The following MARCHF1 variants were observed in gnomAD, a reference collection of about 807,000 sequenced individuals.
MARCHF1 encodes the protein membrane associated ring-CH-type finger 1, also known as E3 ubiquitin-protein ligase MARCHF1.
In MARCHF1, 40 loss-of-function variants were observed where a neutral mutation model predicts 54.2. That is an observed-to-expected ratio of 0.74 (90% CI 0.57 to 0.96). MARCHF1 has a LOEUF of 0.96. Ranked by LOEUF, MARCHF1 falls within the 40% of genes least tolerant of loss-of-function variation. MARCHF1 has a pLI of 0.00. For missense variants in MARCHF1, 586 were observed against 656.5 expected (o/e 0.89, Z 1.17); for synonymous variants, 236 against 236.3 (o/e 1.00, Z 0.01).
chr4:163,531,652 T>A (rs1358175945), intron 9 of MARCHF1, among the ~76,000 whole-genome samples: 1 of 151,866 alleles, frequency 6.6e-6, no homozygotes, highest in African/African-American at 2.4e-5. Context: ...AAACTATCTT[T>A]GTTCACAAAT....
intron 2 of MARCHF1, among the ~76,000 whole-genome samples, chr4:164,111,225 AG>A (rs954826162): frequency 1.4e-4 from 21 of 151,874 alleles, no homozygotes; most frequent in African/African-American, 4.6e-4. Flanking sequence ...CAGTTTCCAC[AG>A]GTAAAATCAA....
In MARCHF1 at chr4:163,575,741, C is replaced by G. The variant is rs186511086; in HGVS notation, c.1191+10008G>C. Among the ~76,000 whole-genome samples, 379 of 151,580 alleles carry G rather than the reference C, an allele frequency of 2.5e-3. 3 individuals carry two copies. The highest frequency in any genetic ancestry group is 8.8e-3 in the African/African-American group (362 of 41,362). ...TTTCAGAACTTGATATTGATCTGTT[C>G]AGGGTTTCCATTTCTTTCTGATTCA... On this transcript the variant is annotated intron_variant, in intron 8 of 9. Transcript: ENST00000514618.
At position 163,867,498 on chromosome 4, in the gene MARCHF1, T is replaced by C. The variant is rs144169436; in HGVS notation, c.-38-13329A>G. Among the ~76,000 whole-genome samples the C allele has an allele frequency of 2.8e-3, 422 of 151,722 alleles. 1 individual carries two copies. The highest frequency in any genetic ancestry group is 9.0e-3 in the African/African-American group (372 of 41,502). Reference sequence around the variant, plus strand: ...ACTTATTTTAATAATAAACTTATTATATATAATCTAATTAGAATTAATTCA... The same window carrying C: ...ACTTATTTTAATAATAAACTTATTACATATAATCTAATTAGAATTAATTCA... On this transcript the variant is annotated intron_variant, in intron 3 of 9. Transcript: ENST00000514618.
intron 2 of MARCHF1, among the ~76,000 whole-genome samples, chr4:163,999,023 CA>C (rs1184061690): frequency 6.6e-6 from 1 of 151,456 alleles, no homozygotes; most frequent in Non-Finnish European, 1.5e-5. Flanking sequence ...AAGGACCATC[CA>C]TTCTGTTTTT....
intron 2 of MARCHF1, among the ~76,000 whole-genome samples, chr4:164,106,633 G>C (rs1166776058): frequency 6.8e-6 from 1 of 147,924 alleles, no homozygotes; most frequent in African/African-American, 2.5e-5. Flanking sequence ...GGGGGAGGGG[G>C]GAGGGATAAC....
At chr4:164,091,410 T>TTATATATATATATATATATATA (rs1553980469) in intron 2 of MARCHF1, among the ~76,000 whole-genome samples, 44 of 136,920 alleles carry the variant, frequency 3.2e-4, no homozygotes, top group East Asian at 8.3e-4. Context: ...TCACCAAGTT[T>TTATATATATATATATATATATA]TATATATATA....
intron 1 of MARCHF1, among the ~76,000 whole-genome samples, chr4:164,153,859 T>C (rs1730008133): frequency 6.6e-6 from 1 of 152,194 alleles, no homozygotes; most frequent in Admixed American, 6.5e-5. Context: ...TAACAATGTA[T>C]ACAAAGTATG....
intron 5 of MARCHF1, among the ~76,000 whole-genome samples, chr4:163,672,903 T>G (rs1271896335): frequency 6.6e-6 from 1 of 152,200 alleles, no homozygotes; most frequent in Non-Finnish European, 1.5e-5. Context: ...TTGTCACACG[T>G]CCTTTTTCTG....
chr4:163,994,740 TACACACACACACACACACACACACAC>T (rs576243307), intron 2 of MARCHF1, among the ~76,000 whole-genome samples: 38 of 119,178 alleles, frequency 3.2e-4, no homozygotes, highest in African/African-American at 1.1e-3. Flanking sequence ...CAAGCACACA[TACACACACACACACACACACACACAC>T]ACACACACAC....
chr4:163,642,934 G>A (rs1486011931), intron 5 of MARCHF1, among the ~76,000 whole-genome samples: 1 of 151,510 alleles, frequency 6.6e-6, no homozygotes, highest in African/African-American at 2.4e-5. Context: ...CTGAAATATG[G>A]TATTATCTCC....
At chr4:164,227,041 A>C (rs539022906) in intron 1 of MARCHF1, among the ~76,000 whole-genome samples, 18 of 152,232 alleles carry the variant, frequency 1.2e-4, no homozygotes, top group Non-Finnish European at 2.2e-4. Context: ...CTGAATAATA[A>C]ATTTGTTAAT....
chr4:163,555,712 T>C (rs1196033071), intron 8 of MARCHF1: 2 of 247,776 alleles, frequency 8.1e-6, no homozygotes, highest in Non-Finnish European at 1.7e-5. Context: ...AAAGGAATAA[T>C]TGGGTTACAT....
chr4:163,917,032 C>T (rs1187017347), intron 3 of MARCHF1, among the ~76,000 whole-genome samples: 1 of 152,142 alleles, frequency 6.6e-6, no homozygotes, highest in African/African-American at 2.4e-5. Flanking sequence ...TCCTGACAAC[C>T]ACTGATCCTT....
chr4:164,017,096 T>C (rs1753559417), intron 2 of MARCHF1, among the ~76,000 whole-genome samples: 1 of 152,026 alleles, frequency 6.6e-6, no homozygotes, highest in Non-Finnish European at 1.5e-5. Flanking sequence ...AAAATTGGTT[T>C]AACAATTTCA....
At chr4:163,806,176 G>A (rs931154166) in intron 4 of MARCHF1, among the ~76,000 whole-genome samples, 1 of 152,164 alleles carries the variant, frequency 6.6e-6, no homozygotes, top group African/African-American at 2.4e-5. Context: ...TAAACATGCT[G>A]TTTTCTCCCA....
At chr4:164,231,873 CCTAATTA>C (rs1399328161) in intron 1 of MARCHF1, among the ~76,000 whole-genome samples, 1 of 151,882 alleles carries the variant, frequency 6.6e-6, no homozygotes, top group Non-Finnish European at 1.5e-5. Context: ...ACTTTCAGGC[CCTAATTA>C]CTAATTACGG....
intron 1 of MARCHF1, among the ~76,000 whole-genome samples, chr4:164,360,588 GTGTCGATTT>G (rs1730695858): frequency 6.6e-6 from 1 of 152,100 alleles, no homozygotes; most frequent in African/African-American, 2.4e-5. Context: ...AGTTGTTTAA[GTGTCGATTT>G]TTCAGCCCCA....
At chr4:164,109,232 T>C (rs1755776991) in intron 2 of MARCHF1, among the ~76,000 whole-genome samples, 2 of 152,004 alleles carry the variant, frequency 1.3e-5, no homozygotes, top group Non-Finnish European at 2.9e-5. Flanking sequence ...GTTTAAAAGA[T>C]TTCATGTTGG....
intron 1 of MARCHF1, among the ~76,000 whole-genome samples, chr4:164,349,524 G>A (rs549688876): frequency 1.3e-5 from 2 of 152,100 alleles, no homozygotes; most frequent in East Asian, 1.9e-4. Flanking sequence ...CCTTTTCAAA[G>A]TACAGTACTT....
Sources: gnomAD v4.1 joint callset for allele counts (sites outside exome capture counted in the v4.1 genomes callset) on GRCh38, gnomAD v4.1.1 for gene constraint, MANE v1.5 for transcripts, NCBI Gene and HGNC (gene_info 2026-07-23, HGNC 2026-07-21) for gene names.